Variants in RSPH14 observed in about 807,000 individuals in gnomAD.
The protein encoded by RSPH14 is radial spoke head 14 homolog, also known as rhabdoid tumor deletion region gene 1.
A neutral mutation model predicts 26.7 loss-of-function variants in RSPH14; 20 were observed. The observed-to-expected ratio is 0.75, with a 90% CI of 0.53 to 1.09. The LOEUF is 1.09. Among genes scored for constraint, RSPH14 ranks in the 50% least tolerant of loss-of-function variants. RSPH14 has a pLI of 0.00. For synonymous variants in RSPH14, 177 were observed against 189.3 expected (o/e 0.93, Z 0.53); for missense variants, 449 against 457.2 (o/e 0.98, Z 0.16).
chr22:23,138,588 A>C (rs561061461), intron 3 of RSPH14, among the ~76,000 whole-genome samples: 15 of 152,216 alleles, frequency 9.9e-5, no homozygotes, highest in African/African-American at 3.6e-4. Flanking sequence ...AAAGAGAGAG[A>C]GAGAGAGCGC....
rs563208962 is a variant in RSPH14, at chr22:23,059,857, C to A, written c.791-139G>T. On this transcript the variant is annotated intron_variant, in intron 6 of 6. Coordinates refer to ENST00000216036, the MANE Select transcript of RSPH14 (RefSeq NM_014433.3). Reference sequence around the variant, plus strand: ...CCTGGTTTATGCCCCACCAACATGCCCTCACCCTCAGGGCTCTTGCACCTT... The same window carrying A: ...CCTGGTTTATGCCCCACCAACATGCACTCACCCTCAGGGCTCTTGCACCTT... The A allele has an allele frequency of 3.5e-5, 33 of 929,916 alleles. No homozygotes were observed. In the African/African-American group the frequency reaches 5.3e-4, roughly 15 times the overall value. The allele number at this position is 929,916 out of a possible 1,614,324, so 57.6% of individuals were successfully genotyped here.
chr22:23,150,130 A>C, the RSPH14 span: 1 of 1,612,616 alleles, frequency 6.2e-7, no homozygotes, highest in African/African-American at 1.3e-5. Context: ...GCTGCCTGCC[A>C]ACGCAGGAAC....
intron 4 of RSPH14, among the ~76,000 whole-genome samples, chr22:23,115,581 A>C (rs1294633102): frequency 6.6e-6 from 1 of 151,994 alleles, no homozygotes; most frequent in Non-Finnish European, 1.5e-5. Context: ...CTAGAACAGG[A>C]AGGTGGGGTG....
At chr22:23,127,307 G>C (rs1487130159) in intron 4 of RSPH14, among the ~76,000 whole-genome samples, 1 of 152,190 alleles carries the variant, frequency 6.6e-6, no homozygotes, top group African/African-American at 2.4e-5. Context: ...TGACAGGCCG[G>C]GAACCAAGAG....
upstream of RSPH14, chr22:23,145,248 C>A: frequency 1.3e-6 from 1 of 791,746 alleles, no homozygotes. Context: ...CATAGCCCCG[C>A]CCACCGCCCA....
chr22:23,147,254 C>CA (rs2070833534), upstream of RSPH14, among the ~76,000 whole-genome samples: 1 of 152,146 alleles, frequency 6.6e-6, no homozygotes, highest in African/African-American at 2.4e-5. Context: ...AAATTGAGTA[C>CA]AACCTCCATA....
intron 4 of RSPH14, among the ~76,000 whole-genome samples, chr22:23,115,321 G>T (rs1017459349): frequency 1.3e-5 from 2 of 152,222 alleles, no homozygotes; most frequent in Non-Finnish European, 2.9e-5. Context: ...GTAGGTGTTT[G>T]CATGTGGTTG....
chr22:23,154,181 G>C, the RSPH14 span, among the ~76,000 whole-genome samples: 1 of 151,840 alleles, frequency 6.6e-6, no homozygotes, highest in Non-Finnish European at 1.5e-5. Flanking sequence ...GCCTGGGCTC[G>C]GGCCCTCACC....
chr22:23,061,562 T>A (rs150017570), intron 6 of RSPH14, among the ~76,000 whole-genome samples: 147 of 152,148 alleles, frequency 9.7e-4, no homozygotes, highest in African/African-American at 3.4e-3. Context: ...GGGAACAGAC[T>A]GGTGCGAAGG....
upstream of RSPH14, chr22:23,145,509 C>T (rs761171420): frequency 7.5e-6 from 12 of 1,605,302 alleles, no homozygotes; most frequent in African/African-American, 2.7e-5. Flanking sequence ...CTGGCTCAGG[C>T]GGACCAGGCC....
intron 4 of RSPH14, among the ~76,000 whole-genome samples, chr22:23,087,752 G>T (rs916241043): frequency 6.6e-6 from 1 of 152,136 alleles, no homozygotes. Context: ...TTCCTGCTCA[G>T]TCAGTTCCTG....
chr22:23,177,258 C>A, the RSPH14 span, among the ~76,000 whole-genome samples: 4 of 152,130 alleles, frequency 2.6e-5, no homozygotes, highest in African/African-American at 9.7e-5. Flanking sequence ...AGCCTTTCCC[C>A]GAACTGTGCC....
At chr22:23,063,613 T>C (rs1209429736) in intron 5 of RSPH14, among the ~76,000 whole-genome samples, 1 of 152,170 alleles carries the variant, frequency 6.6e-6, no homozygotes, top group Non-Finnish European at 1.5e-5. Flanking sequence ...GGTGTCATGA[T>C]CATCACCAGT....
chr22:23,095,690 C>T (rs749743140), intron 4 of RSPH14: 9 of 1,598,318 alleles, frequency 5.6e-6, no homozygotes, highest in Non-Finnish European at 6.8e-6. Flanking sequence ...CCGCTGCTGC[C>T]AGACCATGGG....
chr22:23,170,649 C>T, the RSPH14 span, among the ~76,000 whole-genome samples: 1 of 151,922 alleles, frequency 6.6e-6, no homozygotes, highest in Non-Finnish European at 1.5e-5. Flanking sequence ...AGAAGAATTG[C>T]TTGAACCCAG....
intron 4 of RSPH14, among the ~76,000 whole-genome samples, chr22:23,128,019 T>C (rs2070227702): frequency 6.6e-6 from 1 of 151,992 alleles, no homozygotes; most frequent in Non-Finnish European, 1.5e-5. Flanking sequence ...ACAGGCCCCA[T>C]CATGCTGCTG....
intron 4 of RSPH14, among the ~76,000 whole-genome samples, chr22:23,083,675 A>G (rs1162055989): frequency 6.6e-6 from 1 of 152,164 alleles, no homozygotes; most frequent in East Asian, 1.9e-4. Flanking sequence ...GATATGGGCC[A>G]GATGTGGTCA....
chr22:23,132,880 T>A (rs12484077), intron 4 of RSPH14: 12,998 of 151,292 alleles, frequency 0.086, 728 homozygotes, highest in Non-Finnish European at 0.12. Context: ...GGTCCCCCCA[T>A]CTCGGGAGGT....
chr22:23,150,304 C>CT, the RSPH14 span: 32,687 of 436,258 alleles, frequency 0.075, 3 homozygotes, highest in East Asian at 0.09. Context: ...TTTTTTTTTT[C>CT]TTTTTTTTTT....
Sources: allele counts gnomAD v4.1 joint callset (sites outside exome capture counted in the v4.1 genomes callset), GRCh38; gene constraint gnomAD v4.1.1; transcripts MANE v1.5; gene names NCBI Gene and HGNC (gene_info 2026-07-23, HGNC 2026-07-21).